DLG2: variants seen among roughly 807,000 people sequenced by gnomAD.
DLG2 encodes discs large MAGUK scaffold protein 2.
A neutral mutation model predicts 132.5 loss-of-function variants in DLG2; 45 were observed. The observed-to-expected ratio is 0.34, with a 90% CI of 0.27 to 0.44. DLG2 has a LOEUF of 0.44. DLG2 is among the 20% of genes least tolerant of loss of function. The pLI, the probability that DLG2 is intolerant of heterozygous loss-of-function variation, is 1.00. For missense variants in DLG2, 1,045 were observed against 1,196.9 expected (o/e 0.87, Z 1.87); for synonymous variants, 424 against 419.6 (o/e 1.01, Z -0.13).
chr11:85,005,955 G>A (rs1006294404), intron 6 of DLG2, among the ~76,000 whole-genome samples: 2 of 152,106 alleles, frequency 1.3e-5, no homozygotes, highest in Non-Finnish European at 2.9e-5. Flanking sequence ...TTTTATCGAA[G>A]GCCTTTTCTG....
chr11:85,552,629 G>T (rs2076729194), intron 3 of DLG2, among the ~76,000 whole-genome samples: 1 of 151,238 alleles, frequency 6.6e-6, no homozygotes, highest in South Asian at 2.1e-4. Flanking sequence ...TTCTAAAAAG[G>T]CATTAACATT....
At chr11:85,374,265 GA>G (rs1261475291) in intron 3 of DLG2, among the ~76,000 whole-genome samples, 5 of 151,758 alleles carry the variant, frequency 3.3e-5, no homozygotes, top group East Asian at 1.9e-4. Flanking sequence ...TGAACTGGGA[GA>G]AAAAAAACAG....
At chr11:84,251,112 C>T (rs955233378) in intron 8 of DLG2, 126 bp downstream of exon 8, 6 of 534,284 alleles carry the variant, frequency 1.1e-5, no homozygotes, top group Admixed American at 8.5e-5. Context: ...AGAAAATTTA[C>T]AAAACTACAT....
At chr11:83,947,921 C>A (rs2084463518) in intron 14 of DLG2, among the ~76,000 whole-genome samples, 1 of 152,062 alleles carries the variant, frequency 6.6e-6, no homozygotes, top group African/African-American at 2.4e-5. Flanking sequence ...CAAATCTGTA[C>A]AACAGATATA....
At chr11:83,650,135 T>C (rs549814357) in intron 18 of DLG2, among the ~76,000 whole-genome samples, 1 of 152,324 alleles carries the variant, frequency 6.6e-6, no homozygotes, top group African/African-American at 2.4e-5. Flanking sequence ...GTAATGCCCG[T>C]GTGCAGTAGG....
chr11:84,383,864 A>C (rs2098757857), intron 7 of DLG2, among the ~76,000 whole-genome samples: 1 of 152,002 alleles, frequency 6.6e-6, no homozygotes. Flanking sequence ...AATAATAAAC[A>C]TGGTTTGTTT....
intron 7 of DLG2, among the ~76,000 whole-genome samples, chr11:84,515,312 CACA>C (rs1480968678): frequency 4.6e-4 from 70 of 150,892 alleles, no homozygotes; most frequent in East Asian, 1.2e-3. Flanking sequence ...CACACACACA[CACA>C]CCCCAAATAT....
chr11:84,949,347 G>A (rs1335404646), intron 6 of DLG2, among the ~76,000 whole-genome samples: 1 of 152,150 alleles, frequency 6.6e-6, no homozygotes, highest in East Asian at 1.9e-4. Flanking sequence ...CAGGACCACA[G>A]GACCGAGGTG....
Position 84,759,425 on chromosome 11 carries a change from A to G in DLG2, c.358-224694T>C, listed in dbSNP as rs1188881780. ...GTAACCTCTCAATCAGAACCACTCTAGTGATGATAAATACTATTATAATTA... is the reference window on the plus strand; with the variant it reads ...GTAACCTCTCAATCAGAACCACTCTGGTGATGATAAATACTATTATAATTA... On this transcript the variant is annotated intron_variant, in intron 6 of 27. Transcript: ENST00000376104. Among the ~76,000 whole-genome samples, 7 of 152,204 alleles carry G rather than the reference A, an allele frequency of 4.6e-5. No individual in the cohort carries two copies. In the East Asian group the frequency reaches 7.7e-4, roughly 17 times the overall value.
chr11:83,702,319 A>G (rs570733081), intron 18 of DLG2, among the ~76,000 whole-genome samples: 3 of 152,310 alleles, frequency 2.0e-5, no homozygotes, highest in East Asian at 3.9e-4. Flanking sequence ...CTACTTAACA[A>G]TGGTATGAAC....
At chr11:84,562,843 A>G (rs2099432168) in intron 6 of DLG2, among the ~76,000 whole-genome samples, 1 of 150,922 alleles carries the variant, frequency 6.6e-6, no homozygotes, top group Non-Finnish European at 1.5e-5. Context: ...GCCTCAACCA[A>G]CTGTGCTCAA....
intron 8 of DLG2, among the ~76,000 whole-genome samples, chr11:84,238,059 A>G (rs1257822581): frequency 1.3e-5 from 2 of 151,288 alleles, no homozygotes; most frequent in South Asian, 2.1e-4. Context: ...AAAAAAAAAA[A>G]AAAAAGAAAG....
chr11:84,158,907 C>T lies in DLG2; in HGVS notation c.624+4554G>A, dbSNP rs536000490. ...AAAATATTAAGAATAATTATATATG[C>T]TGCTCTAAACCTTTACGTTAACTCA... On this transcript the variant is annotated intron_variant, in intron 9 of 27. Coordinates refer to ENST00000376104, the MANE Select transcript of DLG2 (RefSeq NM_001142699.3). Among the ~76,000 whole-genome samples the T allele has an allele frequency of 5.8e-4, 88 of 152,304 alleles. 1 individual carries two copies. Among genetic ancestry groups the T allele is most frequent in the African/African-American group, 2.0e-3 (82 of 41,566 alleles).
intron 6 of DLG2, among the ~76,000 whole-genome samples, chr11:84,921,833 T>C (rs2092770839): frequency 6.6e-6 from 1 of 152,192 alleles, no homozygotes; most frequent in South Asian, 2.1e-4. Flanking sequence ...ACTTTTCATA[T>C]TTTTAATTAT....
intron 21 of DLG2, among the ~76,000 whole-genome samples, chr11:83,512,554 T>G (rs1202179714): frequency 1.3e-5 from 2 of 152,184 alleles, no homozygotes; most frequent in African/African-American, 4.8e-5. Flanking sequence ...TATTATACTT[T>G]AAGTTTTAGG....
chr11:83,781,267 A>G (rs907079684), intron 18 of DLG2, among the ~76,000 whole-genome samples: 35 of 152,022 alleles, frequency 2.3e-4, no homozygotes, highest in African/African-American at 8.2e-4. Context: ...CTTTCTTTAT[A>G]CTACTTATCA....
chr11:85,024,795 CTAACA>C (rs2060376000), intron 6 of DLG2, among the ~76,000 whole-genome samples: 1 of 152,216 alleles, frequency 6.6e-6, no homozygotes, highest in African/African-American at 2.4e-5. Flanking sequence ...TTAGGCTTTC[CTAACA>C]TATTTTCAGG....
chr11:84,406,338 A>C (rs1330762183), intron 7 of DLG2, among the ~76,000 whole-genome samples: 1 of 152,014 alleles, frequency 6.6e-6, no homozygotes, highest in Non-Finnish European at 1.5e-5. Context: ...CATTTGTTTG[A>C]GACAGGGTCT....
chr11:84,316,694 T>C (rs2098360056), intron 7 of DLG2: 2 of 1,019,168 alleles, frequency 2.0e-6, no homozygotes, highest in South Asian at 3.5e-5. Context: ...TGACAGGTTT[T>C]TCTTGGCCTA....
Sources: gnomAD v4.1 joint callset for allele counts (sites outside exome capture counted in the v4.1 genomes callset) on GRCh38, gnomAD v4.1.1 for gene constraint, MANE v1.5 for transcripts, NCBI Gene and HGNC (gene_info 2026-07-23, HGNC 2026-07-21) for gene names.